Variants in RTN3 observed in about 807,000 individuals in gnomAD.
The protein encoded by RTN3 is reticulon-3.
In RTN3, 49 loss-of-function variants were observed where a neutral mutation model predicts 77.8. The observed-to-expected ratio is 0.63, with a 90% CI of 0.50 to 0.80. RTN3 has a LOEUF of 0.80. Among genes scored for constraint, RTN3 ranks in the 30% least tolerant of loss-of-function variants. The pLI is 0.00. For missense variants in RTN3, 1,236 were observed against 1,211.9 expected, an observed-to-expected ratio of 1.02 and a Z score of -0.29; for synonymous variants, 464 against 446.9, an observed-to-expected ratio of 1.04 and a Z score of -0.48.
chr11:63,750,800 C>T (rs1484862283), intron 4 of RTN3, among the ~76,000 whole-genome samples: 2 of 151,816 alleles, frequency 1.3e-5, no homozygotes, highest in African/African-American at 4.8e-5. Context: ...GGTGCAATCT[C>T]GGCTCACTGC....
At chr11:63,750,880 C>CA (rs2014067775) in intron 4 of RTN3, among the ~76,000 whole-genome samples, 1 of 151,962 alleles carries the variant, frequency 6.6e-6, no homozygotes, top group Non-Finnish European at 1.5e-5. Context: ...TACAGGCACC[C>CA]ACCATCACGC....
At chr11:63,698,785 T>A in intron 1 of RTN3, 1 of 169,060 alleles carries the variant, frequency 5.9e-6, no homozygotes, top group South Asian at 1.8e-4. Flanking sequence ...TTGAGATACC[T>A]CAAGATTCTT....
At chr11:63,715,745 T>C (rs1027927740) in intron 2 of RTN3, among the ~76,000 whole-genome samples, 7 of 152,202 alleles carry the variant, frequency 4.6e-5, no homozygotes, top group Non-Finnish European at 7.3e-5. Flanking sequence ...TCAGAGTTGT[T>C]TGAAGAGAGA....
chr11:63,710,518 A>AT (rs1408363850), intron 2 of RTN3, among the ~76,000 whole-genome samples: 1 of 152,094 alleles, frequency 6.6e-6, no homozygotes, highest in Non-Finnish European at 1.5e-5. Context: ...GTACTTTAGA[A>AT]TTAGTATATG....
Position 63,681,628 on chromosome 11 carries a change from C to G in RTN3, c.-9C>G. 1 of 1,582,848 alleles carries G rather than the reference C, an allele frequency of 6.3e-7. No individual in the cohort carries two copies. Among genetic ancestry groups the G allele is most frequent in the Non-Finnish European group, 8.6e-7 (1 of 1,162,284 alleles). On this transcript the variant is annotated 5_prime_UTR_variant, in exon 1 of 9. Transcript: ENST00000377819. ...TTTTCACCCTTCTCCCACCCTCGCT[C>G]GCGTAGCCATGGCGGAGCCGTCGGC...
rs6144367 is a variant in RTN3 at position 63,716,979 on chromosome 11, CAAAAA to C, written c.200-1711_200-1707del. Among the ~76,000 whole-genome samples, 97 of 120,278 alleles carry C rather than the reference CAAAAA, an allele frequency of 8.1e-4. 2 individuals are homozygous for C. The Middle Eastern group carries it at 0.032, about 40-fold the overall frequency. The allele number at this position is 120,278 out of a possible 152,430, so 78.9% of individuals were successfully genotyped here. The stretch of plus-strand genomic sequence containing the variant: ...GCAAGACTCCGTCTCAAAAAAAAAA[CAAAAA>C]AAAAAAAAAAAGAAAAGAAAGTTTA... On this transcript the variant is annotated intron_variant, in intron 2 of 8. Transcript: ENST00000377819.
At chr11:63,731,664 A>AT (rs1454345582) in intron 3 of RTN3, among the ~76,000 whole-genome samples, 1 of 150,570 alleles carries the variant, frequency 6.6e-6, no homozygotes, top group African/African-American at 2.5e-5. Context: ...TTTATTTTTT[A>AT]TTTTTTTGAG....
intron 7 of RTN3, among the ~76,000 whole-genome samples, chr11:63,755,193 C>G (rs544582955): frequency 2.6e-5 from 4 of 152,058 alleles, no homozygotes; most frequent in African/African-American, 9.7e-5. Flanking sequence ...ATTAGACACA[C>G]AGTTTCTAGT....
chr11:63,708,259 C>T lies in RTN3; in HGVS notation c.199+3352C>T, dbSNP rs1942590700. Among the ~76,000 whole-genome samples the T allele has an allele frequency of 3.3e-5, 5 of 152,226 alleles. No homozygotes were observed. In the South Asian group the frequency reaches 1.0e-3, roughly 32 times the overall value. ...AACTAATTTCTTTGGCTTCATATAC[C>T]TTAGCTATCTAGCCTTAGGGAAATT... On this transcript the variant is annotated intron_variant, in intron 2 of 8. Coordinates refer to ENST00000377819, the MANE Select transcript of RTN3 (RefSeq NM_001265589.2).
intron 2 of RTN3, among the ~76,000 whole-genome samples, chr11:63,715,551 C>A (rs370008795): frequency 1.3e-5 from 2 of 152,094 alleles, no homozygotes; most frequent in African/African-American, 4.8e-5. Context: ...CCAGCTACTT[C>A]GGAGGCTGAG....
intron 1 of RTN3, among the ~76,000 whole-genome samples, chr11:63,695,566 A>G (rs1444667608): frequency 6.6e-6 from 1 of 152,238 alleles, no homozygotes; most frequent in African/African-American, 2.4e-5. Context: ...GCCAGGGATC[A>G]GGTTAACATC....
Position 63,756,063 on chromosome 11 carries a change from T to C in RTN3, c.2995-49T>C, listed in dbSNP as rs779024364. On this transcript the variant is annotated intron_variant, in intron 7 of 8. Coordinates refer to ENST00000377819, the MANE Select transcript of RTN3 (RefSeq NM_001265589.2). ...CAAAAGAGCCGTGCCTTCAGGAAAA[T>C]TGGTGATCTGTATGTTACCACAACT... The C allele has an allele frequency of 9.0e-6, 12 of 1,332,766 alleles. No individual in the cohort carries two copies. In the East Asian group the frequency reaches 2.8e-4, roughly 31 times the overall value. The allele number at this position is 1,332,766 out of a possible 1,614,324, so 82.6% of individuals were successfully genotyped here. A position where few individuals can be genotyped will look rare whatever the true frequency, so the allele number is the denominator to read the frequency against.
intron 1 of RTN3, among the ~76,000 whole-genome samples, chr11:63,683,318 G>C (rs1941166525): frequency 6.6e-6 from 1 of 152,186 alleles, no homozygotes; most frequent in Non-Finnish European, 1.5e-5. Flanking sequence ...TTATAACTTA[G>C]CAACTTGATC....
chr11:63,721,311 A>C (rs2011777208), intron 3 of RTN3, among the ~76,000 whole-genome samples: 1 of 152,182 alleles, frequency 6.6e-6, no homozygotes, highest in Admixed American at 6.5e-5. Flanking sequence ...ACGGTGGCTC[A>C]CGCCTATAAT....
intron 1 of RTN3, among the ~76,000 whole-genome samples, chr11:63,703,723 T>TC (rs1942361005): frequency 6.6e-6 from 1 of 151,478 alleles, no homozygotes; most frequent in South Asian, 2.1e-4. Context: ...TTTGTATTTT[T>TC]CATAGAGACG....
chr11:63,695,050 C>G (rs1941868796), intron 1 of RTN3, among the ~76,000 whole-genome samples: 1 of 152,144 alleles, frequency 6.6e-6, no homozygotes, highest in South Asian at 2.1e-4. Flanking sequence ...TTTGAAATAA[C>G]AAGCTAAATC....
intron 3 of RTN3, among the ~76,000 whole-genome samples, chr11:63,729,464 G>A (rs61928213): frequency 2.5e-5 from 1 of 40,222 alleles, no homozygotes; most frequent in African/African-American, 8.7e-5. Context: ...TTTTTTGTTT[G>A]TTTGAGACAG....
At chr11:63,701,929 C>T (rs1463703611) in intron 1 of RTN3, among the ~76,000 whole-genome samples, 1 of 152,084 alleles carries the variant, frequency 6.6e-6, no homozygotes, top group Non-Finnish European at 1.5e-5. Context: ...CAGAGTGAAA[C>T]TTTGTCTCAA....
chr11:63,714,432 T>C (rs1307661173), intron 2 of RTN3: 1 of 152,766 alleles, frequency 6.5e-6, no homozygotes, highest in African/African-American at 2.4e-5. Flanking sequence ...GGGAACATTA[T>C]TAGAGTTTTT....
Sources: allele counts gnomAD v4.1 joint callset (sites outside exome capture counted in the v4.1 genomes callset), GRCh38; gene constraint gnomAD v4.1.1; transcripts MANE v1.5; gene names NCBI Gene and HGNC (gene_info 2026-07-23, HGNC 2026-07-21).